ANK3: variants seen among roughly 807,000 people sequenced by gnomAD.
The protein encoded by ANK3 is ankyrin 3.
ANK3 carries 57 observed loss-of-function variants against 370.9 expected under a neutral mutation model. The observed-to-expected ratio is 0.15, with a 90% CI of 0.12 to 0.19. The LOEUF (loss-of-function observed/expected upper bound fraction) is 0.19, where lower values mean the gene tolerates loss of function less well. Among genes scored for constraint, ANK3 ranks in the 10% least tolerant of loss-of-function variants. The pLI, the probability that ANK3 is intolerant of heterozygous loss-of-function variation, is 1.00. For synonymous variants in ANK3, 1,929 were observed against 1,946.3 expected, an observed-to-expected ratio of 0.99 and a Z score of 0.23; for missense variants, 4,439 against 5,302.1, an observed-to-expected ratio of 0.84 and a Z score of 5.06.
chr10:60,255,511 T>G (rs1165101169), intron 7 of ANK3, among the ~76,000 whole-genome samples: 2 of 152,186 alleles, frequency 1.3e-5, no homozygotes, highest in African/African-American at 2.4e-5. Context: ...AAATAGAGTG[T>G]GCAAAATGGA....
In ANK3 at chr10:60,176,521, G is replaced by GGAGGCC. The variant is rs577088156; in HGVS notation, c.2185-3341_2185-3336dup. Among the ~76,000 whole-genome samples, 864 of 152,252 alleles carry GGAGGCC rather than the reference G, an allele frequency of 5.7e-3. 5 individuals are homozygous for GGAGGCC. Among genetic ancestry groups the GGAGGCC allele is most frequent in the Non-Finnish European group, 9.0e-3 (611 of 68,016 alleles). ...TCATGTCTGTAATCCCAGCACTTTT[G>GGAGGCC]GAGGCCGAGGCCGGCGGATCACCCG... On this transcript the variant is annotated intron_variant, in intron 18 of 43. Transcript: ENST00000280772.
chr10:60,484,239 A>C (rs12764726), intron 2 of ANK3, among the ~76,000 whole-genome samples: 29,078 of 152,134 alleles, frequency 0.19, 3,477 homozygotes, highest in Middle Eastern at 0.34. Context: ...AATGAGAGAC[A>C]ACCTTAGATG....
intron 1 of ANK3, among the ~76,000 whole-genome samples, chr10:60,700,839 A>C (rs1446906891): frequency 6.6e-6 from 1 of 152,146 alleles, no homozygotes; most frequent in Non-Finnish European, 1.5e-5. Flanking sequence ...TAAACACTAG[A>C]AGATAACCTG....
exon 1 of ANK3, chr10:60,733,443 C>T (rs1334622154): frequency 4.5e-6 from 4 of 879,122 alleles, no homozygotes; most frequent in South Asian, 5.9e-5. Context: ...GAACACCAAG[C>T]GCGGCCCCGC....
chr10:60,529,508 C>T (rs1170153434), intron 2 of ANK3, among the ~76,000 whole-genome samples: 1 of 152,126 alleles, frequency 6.6e-6, no homozygotes. Flanking sequence ...TGTTTGGGGG[C>T]TCAGGTGCAC....
At chr10:60,048,400 T>C (rs898667766) in intron 42 of ANK3, among the ~76,000 whole-genome samples, 1 of 152,178 alleles carries the variant, frequency 6.6e-6, no homozygotes, top group Non-Finnish European at 1.5e-5. Flanking sequence ...AATGGTCAAA[T>C]ACCTGATTTA....
rs545842157 is a variant in ANK3 at position 60,251,296 on chromosome 10, C to T, written c.798+10563G>A. On this transcript the variant is annotated intron_variant, in intron 7 of 43. Coordinates refer to ENST00000280772, the MANE Select transcript of ANK3 (RefSeq NM_020987.5). ...CTCTGGGGTGCATTGCTGGGGGATG[C>T]TAGACACTTTCTGAGGAGCATCTCA... Among the ~76,000 whole-genome samples the T allele has an allele frequency of 2.0e-5, 3 of 152,230 alleles. No homozygotes were observed. The East Asian group carries it at 5.8e-4, about 29-fold the overall frequency.
At chr10:60,654,766 T>C (rs2078840157) in intron 1 of ANK3, among the ~76,000 whole-genome samples, 1 of 152,204 alleles carries the variant, frequency 6.6e-6, no homozygotes, top group Admixed American at 6.5e-5. Context: ...ATAATGTCTT[T>C]AAGTATCAAA....
intron 2 of ANK3, among the ~76,000 whole-genome samples, chr10:60,473,660 A>G (rs1459442397): frequency 6.6e-6 from 1 of 152,152 alleles, no homozygotes; most frequent in Non-Finnish European, 1.5e-5. Flanking sequence ...GTGACTTCTC[A>G]ACCTCAATAG....
At chr10:60,589,398 T>G (rs894314432) in intron 2 of ANK3, among the ~76,000 whole-genome samples, 1 of 152,210 alleles carries the variant, frequency 6.6e-6, no homozygotes, top group Non-Finnish European at 1.5e-5. Flanking sequence ...AAAATCCAAA[T>G]GCCTAGTAAA....
chr10:60,237,730 A>G (rs916265193), intron 7 of ANK3, among the ~76,000 whole-genome samples: 8 of 151,916 alleles, frequency 5.3e-5, no homozygotes, highest in Non-Finnish European at 1.0e-4. Flanking sequence ...TAATTCTCAC[A>G]TTTTCTCCAC....
chr10:60,372,396 C>T (rs968817430), intron 1 of ANK3, among the ~76,000 whole-genome samples: 3 of 151,802 alleles, frequency 2.0e-5, no homozygotes, highest in Admixed American at 6.6e-5. Flanking sequence ...AGGGGTATCA[C>T]GATTCTCTGT....
At chr10:60,238,406 C>T (rs777548070) in intron 7 of ANK3, among the ~76,000 whole-genome samples, 5 of 152,114 alleles carry the variant, frequency 3.3e-5, no homozygotes, top group East Asian at 1.9e-4. Flanking sequence ...CCTTCAAATC[C>T]GTCACCATAC....
At chr10:60,726,299 G>T (rs1175031772) in intron 1 of ANK3, among the ~76,000 whole-genome samples, 2 of 152,094 alleles carry the variant, frequency 1.3e-5, no homozygotes, top group African/African-American at 2.4e-5. Flanking sequence ...TAAAGTCCAG[G>T]TTTCTCCTTT....
chr10:60,061,754 A>T (rs1226751631), intron 40 of ANK3, among the ~76,000 whole-genome samples: 1 of 151,072 alleles, frequency 6.6e-6, no homozygotes, highest in Non-Finnish European at 1.5e-5. Flanking sequence ...TTTTTTTTTA[A>T]GAGACAGACA....
intron 2 of ANK3, among the ~76,000 whole-genome samples, chr10:60,503,125 T>G (rs1239329250): frequency 6.6e-6 from 1 of 152,216 alleles, no homozygotes; most frequent in Non-Finnish European, 1.5e-5. Flanking sequence ...TGGATTCTGT[T>G]GACATGCTGC....
intron 23 of ANK3, among the ~76,000 whole-genome samples, chr10:60,156,386 C>T (rs886501182): frequency 2.6e-5 from 4 of 152,214 alleles, no homozygotes; most frequent in Admixed American, 6.5e-5. Flanking sequence ...GGACAAACCC[C>T]GTTCTGCTGA....
At chr10:60,078,825 T>A (rs1589673376) in intron 36 of ANK3, among the ~76,000 whole-genome samples, 1 of 152,308 alleles carries the variant, frequency 6.6e-6, no homozygotes, top group East Asian at 1.9e-4. Flanking sequence ...ATTCCCTTGT[T>A]TACCACCCTT....
chr10:60,337,370 C>A (rs2053243695), intron 1 of ANK3, among the ~76,000 whole-genome samples: 1 of 152,026 alleles, frequency 6.6e-6, no homozygotes, highest in Non-Finnish European at 1.5e-5. Context: ...CTTGCCAAGC[C>A]CTATAATCTA....
Sources: allele counts gnomAD v4.1 joint callset (sites outside exome capture counted in the v4.1 genomes callset), GRCh38; gene constraint gnomAD v4.1.1; transcripts MANE v1.5; gene names NCBI Gene and HGNC (gene_info 2026-07-23, HGNC 2026-07-21).